ATP2B2: variants seen among roughly 807,000 people sequenced by gnomAD.
ATP2B2 encodes the protein ATPase plasma membrane Ca2+ transporting 2, also known as plasma membrane calcium-transporting ATPase 2.
Under a neutral mutation model 120.0 loss-of-function variants are expected in ATP2B2, and 15 were observed. The ratio of observed to expected loss-of-function variants is 0.12; its 90% CI spans 0.08 to 0.19. The LOEUF (loss-of-function observed/expected upper bound fraction) is 0.19. Ranked by LOEUF, ATP2B2 falls within the 10% of genes least tolerant of loss-of-function variation. ATP2B2 has a pLI of 1.00. For missense variants in ATP2B2, 1,045 were observed against 1,719.8 expected (o/e 0.61, Z 6.94); for synonymous variants, 694 against 700.3 (o/e 0.99, Z 0.14).
chr3:10,676,619 G>T (rs2071251908), intron 1 of ATP2B2, among the ~76,000 whole-genome samples: 2 of 152,094 alleles, frequency 1.3e-5, no homozygotes, highest in Non-Finnish European at 2.9e-5. Flanking sequence ...GCACCCAGTA[G>T]GAACACTGCA....
chr3:10,372,125 G>C (rs959185693), intron 11 of ATP2B2, 74 bp from the exon 12 acceptor site: 2 of 1,600,128 alleles, frequency 1.2e-6, no homozygotes, highest in East Asian at 2.2e-5. Flanking sequence ...GGAGGCACTG[G>C]GTAAACATGC....
At chr3:10,369,773 C>G (rs887286916) in intron 12 of ATP2B2, among the ~76,000 whole-genome samples, 6 of 152,176 alleles carry the variant, frequency 3.9e-5, no homozygotes, top group Non-Finnish European at 7.3e-5. Flanking sequence ...ATTCATACAG[C>G]TGGTGAGGGA....
chr3:10,608,568 C>T (rs984947595), intron 2 of ATP2B2, among the ~76,000 whole-genome samples: 1 of 152,210 alleles, frequency 6.6e-6, no homozygotes, highest in Non-Finnish European at 1.5e-5. Flanking sequence ...TCAGACCTGC[C>T]GAGCCCGTCA....
intron 1 of ATP2B2, among the ~76,000 whole-genome samples, chr3:10,479,893 C>T (rs763778758): frequency 1.3e-5 from 2 of 152,128 alleles, no homozygotes; most frequent in Non-Finnish European, 2.9e-5. Flanking sequence ...GAATTTGAGA[C>T]CAGCCTGGGC....
chr3:10,536,561 C>A (rs900759816), intron 2 of ATP2B2, among the ~76,000 whole-genome samples: 1 of 151,922 alleles, frequency 6.6e-6, no homozygotes, highest in African/African-American at 2.4e-5. Context: ...GGGTCTCACT[C>A]TGTCACCCAG....
At chr3:10,391,664 C>T (rs975357880) in intron 5 of ATP2B2, among the ~76,000 whole-genome samples, 1 of 152,188 alleles carries the variant, frequency 6.6e-6, no homozygotes, top group African/African-American at 2.4e-5. Flanking sequence ...TCCTCCAGAG[C>T]TGAGCAATAG....
intron 2 of ATP2B2, among the ~76,000 whole-genome samples, chr3:10,441,836 G>A (rs188378311): frequency 9.2e-5 from 14 of 152,332 alleles, no homozygotes; most frequent in African/African-American, 3.4e-4. Flanking sequence ...GTTCTAGGAG[G>A]TGGGTGTTAT....
intron 2 of ATP2B2, among the ~76,000 whole-genome samples, chr3:10,415,913 G>A (rs1485803233): frequency 6.6e-6 from 1 of 152,178 alleles, no homozygotes; most frequent in Non-Finnish European, 1.5e-5. Context: ...AGCACTAGAG[G>A]AGGAGCCAGG....
intron 12 of ATP2B2, among the ~76,000 whole-genome samples, chr3:10,366,706 G>A (rs2061069901): frequency 6.6e-6 from 1 of 152,288 alleles, no homozygotes. Flanking sequence ...GAAGCGTGGT[G>A]CCTCCAGAGG....
At chr3:10,491,277 G>T (rs1226884495) in intron 1 of ATP2B2, among the ~76,000 whole-genome samples, 1 of 149,770 alleles carries the variant, frequency 6.7e-6, no homozygotes, top group Admixed American at 6.7e-5. Context: ...CCAGGCTGGA[G>T]TGTAGTGGCA....
At chr3:10,673,356 G>T (rs892575976) in intron 1 of ATP2B2, among the ~76,000 whole-genome samples, 12 of 151,614 alleles carry the variant, frequency 7.9e-5, no homozygotes, top group Non-Finnish European at 1.0e-4. Context: ...GTTCTTCAAG[G>T]GTCCTCACAT....
intron 1 of ATP2B2, among the ~76,000 whole-genome samples, chr3:10,456,405 G>T (rs760826534): frequency 6.6e-6 from 1 of 152,060 alleles, no homozygotes; most frequent in East Asian, 1.9e-4. Flanking sequence ...TGGAAGCCTA[G>T]CTCTGCCAGT....
At position 10,325,280 on chromosome 3, in the gene ATP2B2, A is replaced by G. The variant is rs1276543394; in HGVS notation, c.*3534T>C. ...TATGTGGAAGAATAGATGTGAGAGA[A>G]TAACTAGGAAATTTTGTAAAAGAAG... On this transcript the variant is annotated 3_prime_UTR_variant, in exon 23 of 23. Coordinates refer to ENST00000360273, the MANE Select transcript of ATP2B2 (RefSeq NM_001001331.4). The G allele has an allele frequency of 6.6e-6, 1 of 152,240 alleles. No individual in the cohort carries two copies. Among genetic ancestry groups the G allele is most frequent in the African/African-American group, 2.4e-5 (1 of 41,454 alleles). The allele number at this position is 152,240 out of a possible 1,614,324, so 9.4% of individuals were successfully genotyped here. A position where few individuals can be genotyped will look rare whatever the true frequency, so the allele number is the denominator to read the frequency against.
chr3:10,452,029 G>A (rs2064074006), intron 1 of ATP2B2, among the ~76,000 whole-genome samples: 1 of 152,210 alleles, frequency 6.6e-6, no homozygotes, highest in Non-Finnish European at 1.5e-5. Context: ...AAATGAATAA[G>A]TGAATGAATG....
intron 2 of ATP2B2, among the ~76,000 whole-genome samples, chr3:10,581,379 G>A (rs1435168454): frequency 6.6e-6 from 1 of 152,208 alleles, no homozygotes; most frequent in African/African-American, 2.4e-5. Context: ...TGGTGGGGAT[G>A]GTAAGATGAG....
chr3:10,431,207 T>C (rs2063304012), intron 2 of ATP2B2, among the ~76,000 whole-genome samples: 1 of 152,322 alleles, frequency 6.6e-6, no homozygotes, highest in Non-Finnish European at 1.5e-5. Flanking sequence ...ATTCCATACC[T>C]TAGTTGATTG....
chr3:10,673,208 A>T (rs566003479), intron 1 of ATP2B2, among the ~76,000 whole-genome samples: 1 of 152,288 alleles, frequency 6.6e-6, no homozygotes, highest in South Asian at 2.1e-4. Flanking sequence ...GGCTGCCTGA[A>T]TAGACTCAGT....
chr3:10,335,655 C>T (rs1232734717), intron 22 of ATP2B2, among the ~76,000 whole-genome samples: 2 of 152,214 alleles, frequency 1.3e-5, no homozygotes, highest in Non-Finnish European at 2.9e-5. Context: ...CTCCCCTTGA[C>T]CCACAGTGAC....
At chr3:10,432,196 T>C (rs1210315750) in intron 2 of ATP2B2, among the ~76,000 whole-genome samples, 1 of 152,238 alleles carries the variant, frequency 6.6e-6, no homozygotes, top group Admixed American at 6.5e-5. Context: ...TGTGCCTCAG[T>C]TTCCTCATCT....
Sources: allele counts gnomAD v4.1 joint callset (sites outside exome capture counted in the v4.1 genomes callset), GRCh38; gene constraint gnomAD v4.1.1; transcripts MANE v1.5; gene names NCBI Gene and HGNC (gene_info 2026-07-23, HGNC 2026-07-21).